Variants in ARHGAP24 observed in about 807,000 individuals in gnomAD.
ARHGAP24 encodes the protein rho GTPase-activating protein 24.
In ARHGAP24, 50 loss-of-function variants were observed where a neutral mutation model predicts 76.4. That is an observed-to-expected ratio of 0.65 (90% CI 0.52 to 0.83). ARHGAP24 has a LOEUF of 0.83. Ranked by LOEUF, ARHGAP24 falls within the 40% of genes least tolerant of loss-of-function variation. ARHGAP24 has a pLI of 0.00. For missense variants in ARHGAP24, 930 were observed against 914.2 expected, an observed-to-expected ratio of 1.02 and a Z score of -0.22; for synonymous variants, 345 against 323.3, an observed-to-expected ratio of 1.07 and a Z score of -0.72.
chr4:85,639,190 A>C (rs987656252), intron 2 of ARHGAP24, among the ~76,000 whole-genome samples: 3 of 152,106 alleles, frequency 2.0e-5, no homozygotes, highest in African/African-American at 7.2e-5. Context: ...CTATTTCTTT[A>C]ATCACACTCT....
intron 1 of ARHGAP24, among the ~76,000 whole-genome samples, chr4:85,566,102 C>G (rs1325518798): frequency 6.6e-6 from 1 of 152,200 alleles, no homozygotes; most frequent in Non-Finnish European, 1.5e-5. Flanking sequence ...AAGATTGATA[C>G]AAAGGCACAG....
At chr4:85,662,249 G>T (rs527653262) in intron 2 of ARHGAP24, among the ~76,000 whole-genome samples, 2 of 152,090 alleles carry the variant, frequency 1.3e-5, no homozygotes, top group African/African-American at 4.8e-5. Context: ...GTTTTGATTT[G>T]CATTTCTCTG....
intron 2 of ARHGAP24, among the ~76,000 whole-genome samples, chr4:85,681,381 C>T (rs1272382704): frequency 6.6e-6 from 1 of 152,142 alleles, no homozygotes; most frequent in East Asian, 1.9e-4. Context: ...GCACCACGAG[C>T]CTAACCACAC....
chr4:85,531,222 A>G (rs1045311312), intron 1 of ARHGAP24, among the ~76,000 whole-genome samples: 1 of 152,092 alleles, frequency 6.6e-6, no homozygotes, highest in Non-Finnish European at 1.5e-5. Flanking sequence ...AGAAATGTAC[A>G]TCAACTTATG....
chr4:85,559,505 C>G (rs1179500882), intron 1 of ARHGAP24, among the ~76,000 whole-genome samples: 1 of 152,156 alleles, frequency 6.6e-6, no homozygotes, highest in African/African-American at 2.4e-5. Flanking sequence ...CATTTTCCTC[C>G]TGTCTAATTG....
intron 2 of ARHGAP24, among the ~76,000 whole-genome samples, chr4:85,663,693 A>G (rs1722495069): frequency 6.6e-6 from 1 of 151,672 alleles, no homozygotes; most frequent in African/African-American, 2.4e-5. Flanking sequence ...GATATGTCCC[A>G]TCAATATCTA....
intron 3 of ARHGAP24, among the ~76,000 whole-genome samples, chr4:85,860,985 A>C (rs1306618718): frequency 6.8e-6 from 1 of 146,348 alleles, no homozygotes; most frequent in East Asian, 2.0e-4. Flanking sequence ...AACATATATT[A>C]TTCTGTGCAT....
chr4:85,702,329 G>A (rs749495024), intron 2 of ARHGAP24, among the ~76,000 whole-genome samples: 17 of 152,270 alleles, frequency 1.1e-4, no homozygotes, highest in Admixed American at 1.3e-4. Context: ...TAGAGAAACA[G>A]ATGTACATTG....
At chr4:85,688,854 T>C (rs1478823916) in intron 2 of ARHGAP24, among the ~76,000 whole-genome samples, 1 of 152,208 alleles carries the variant, frequency 6.6e-6, no homozygotes, top group Non-Finnish European at 1.5e-5. Flanking sequence ...GATCTTGTTA[T>C]TGTAAGTGTG....
intron 3 of ARHGAP24, among the ~76,000 whole-genome samples, chr4:85,767,490 G>A (rs1434818640): frequency 6.6e-6 from 1 of 152,024 alleles, no homozygotes; most frequent in Admixed American, 6.6e-5. Context: ...TTATGGAATT[G>A]CTGTGGAAGA....
In ARHGAP24 at chr4:85,816,229, C is replaced by G. The variant is rs564152959; in HGVS notation, c.268+94257C>G. On this transcript the variant is annotated intron_variant, in intron 3 of 9. Coordinates refer to ENST00000395184, the MANE Select transcript of ARHGAP24 (RefSeq NM_001025616.3). ...ACTAGAGTGTTTTCAATATAGTCAT[C>G]ATGCTGTACATTAGGTCTCCAGAAC... 3.9e-5 allele frequency among the ~76,000 whole-genome samples: 6 copies of G among 152,294 alleles called. No individual in the cohort carries two copies. The East Asian group carries it at 1.2e-3, about 29-fold the overall frequency.
chr4:85,624,791 T>G (rs1014433738), intron 2 of ARHGAP24, among the ~76,000 whole-genome samples: 6 of 152,194 alleles, frequency 3.9e-5, no homozygotes, highest in Admixed American at 2.6e-4. Flanking sequence ...TTCTTCCTGG[T>G]TTAGTCTTTG....
intron 3 of ARHGAP24, among the ~76,000 whole-genome samples, chr4:85,867,102 A>G (rs1732242000): frequency 6.6e-6 from 1 of 152,146 alleles, no homozygotes; most frequent in Non-Finnish European, 1.5e-5. Flanking sequence ...GGGTATTTGA[A>G]CAAATTACTT....
At chr4:85,478,115 G>A (rs1252319234) in intron 1 of ARHGAP24, among the ~76,000 whole-genome samples, 2 of 152,136 alleles carry the variant, frequency 1.3e-5, no homozygotes, top group African/African-American at 2.4e-5. Flanking sequence ...TGTGGAGGAG[G>A]TTGGTGATAA....
chr4:86,000,986 T>G lies in ARHGAP24; in HGVS notation c.*264T>G. ...AGTAAACTAAAAATGAGAAGCATAT[T>G]TCAAGAATTATTTTATTGCAAGTCT... On this transcript the variant is annotated 3_prime_UTR_variant, in exon 10 of 10. Coordinates refer to ENST00000395184, the MANE Select transcript of ARHGAP24 (RefSeq NM_001025616.3). 1 of 519,654 alleles carries G rather than the reference T, an allele frequency of 1.9e-6. No individual in the cohort carries two copies. Among genetic ancestry groups the G allele is most frequent in the East Asian group, 3.2e-5 (1 of 31,484 alleles). 32.2% of individuals were successfully genotyped at this position (519,654 alleles called of 1,614,324 possible).
At chr4:85,995,777 C>G in intron 9 of ARHGAP24, 120 bp downstream of exon 9, 1 of 994,176 alleles carries the variant, frequency 1.0e-6, no homozygotes, top group East Asian at 2.6e-5. Flanking sequence ...CAAGTTTGCT[C>G]CATCATTTAT....
chr4:85,725,426 A>G (rs888770063), intron 3 of ARHGAP24, among the ~76,000 whole-genome samples: 1 of 152,198 alleles, frequency 6.6e-6, no homozygotes, highest in Non-Finnish European at 1.5e-5. Context: ...TGTTCCCGCA[A>G]AGACCTCTTT....
chr4:85,816,909 A>G (rs1394261493), intron 3 of ARHGAP24, among the ~76,000 whole-genome samples: 2 of 152,210 alleles, frequency 1.3e-5, no homozygotes, highest in African/African-American at 4.8e-5. Flanking sequence ...TTTTCTCAGC[A>G]TCTTCCCTAA....
chr4:85,602,208 G>C (rs1270011473), intron 2 of ARHGAP24, among the ~76,000 whole-genome samples: 1 of 152,172 alleles, frequency 6.6e-6, no homozygotes, highest in Non-Finnish European at 1.5e-5. Flanking sequence ...AAAGAAAGCA[G>C]TATTTGAAGG....
Sources: gnomAD v4.1 joint callset for allele counts (sites outside exome capture counted in the v4.1 genomes callset) on GRCh38, gnomAD v4.1.1 for gene constraint, MANE v1.5 for transcripts, NCBI Gene and HGNC (gene_info 2026-07-23, HGNC 2026-07-21) for gene names.